The following VEZT variants were observed in gnomAD, a reference collection of about 807,000 sequenced individuals.
VEZT encodes vezatin.
Under a neutral mutation model 79.9 loss-of-function variants are expected in VEZT, and 39 were observed. That is an observed-to-expected ratio of 0.49 (90% CI 0.38 to 0.64). The LOEUF (loss-of-function observed/expected upper bound fraction) is 0.64, where lower values mean the gene tolerates loss of function less well. Ranked by LOEUF, VEZT falls within the 30% of genes least tolerant of loss-of-function variation. The probability of loss-of-function intolerance (pLI) is 0.00; values close to 1 mark genes in which losing one functional copy is unlikely to be tolerated. For synonymous variants in VEZT, 325 were observed against 327.6 expected (o/e 0.99, Z 0.09); for missense variants, 837 against 893.1 (o/e 0.94, Z 0.80).
At chr12:95,217,960 C>T (rs2056933493) in intron 1 of VEZT, 74 bp downstream of exon 1, 1 of 1,407,578 alleles carries the variant, frequency 7.1e-7, no homozygotes, top group Non-Finnish European at 9.4e-7. Flanking sequence ...GGAAGCAAGG[C>T]GTTCCCGGGG....
intron 1 of VEZT, among the ~76,000 whole-genome samples, chr12:95,248,248 A>G (rs2061981857): frequency 6.6e-6 from 1 of 152,216 alleles, no homozygotes; most frequent in Non-Finnish European, 1.5e-5. Flanking sequence ...ATTTGCAGAA[A>G]AAGCAGAATA....
At chr12:95,299,058 T>C (rs1191664203) in intron 11 of VEZT, 2 of 154,830 alleles carry the variant, frequency 1.3e-5, no homozygotes, top group African/African-American at 4.8e-5. Flanking sequence ...AAAATTTCAG[T>C]ACATCTTCCA....
At chr12:95,275,687 T>A (rs1300740958) in intron 7 of VEZT, 1 of 151,950 alleles carries the variant, frequency 6.6e-6, no homozygotes, top group Admixed American at 6.6e-5. Flanking sequence ...TTTTTTTTTT[T>A]ATGCAGAGCA....
At chr12:95,252,651 C>T (rs958470065) in intron 2 of VEZT, among the ~76,000 whole-genome samples, 4 of 152,146 alleles carry the variant, frequency 2.6e-5, no homozygotes, top group Non-Finnish European at 5.9e-5. Context: ...TTATGTCCTG[C>T]TAGCCATGTT....
chr12:95,285,723 A>T (rs552338535), intron 8 of VEZT, among the ~76,000 whole-genome samples: 1 of 152,174 alleles, frequency 6.6e-6, no homozygotes, highest in Non-Finnish European at 1.5e-5. Context: ...ATTCCTTATT[A>T]TCTGTAAAAT....
At chr12:95,257,913 T>A (rs1234180802) in intron 3 of VEZT, among the ~76,000 whole-genome samples, 1 of 152,212 alleles carries the variant, frequency 6.6e-6, no homozygotes, top group Non-Finnish European at 1.5e-5. Context: ...AACAACACTA[T>A]AAGATTTAGT....
At chr12:95,294,501 A>C (rs2073717160) in intron 10 of VEZT, 129 bp downstream of exon 10, 2 of 756,396 alleles carry the variant, frequency 2.6e-6, no homozygotes, top group Non-Finnish European at 2.1e-6. Context: ...AATTCATTGA[A>C]TCTGCCTGCA....
At chr12:95,259,959 A>G (rs116372759) in intron 3 of VEZT, among the ~76,000 whole-genome samples, 1,948 of 152,294 alleles carry the variant, frequency 0.013, 46 homozygotes, top group African/African-American at 0.044. Context: ...CCGTTATAAT[A>G]ATCAGTATAT....
chr12:95,277,801 CA>C (rs1473312275), intron 7 of VEZT, among the ~76,000 whole-genome samples: 1 of 152,178 alleles, frequency 6.6e-6, no homozygotes, highest in Non-Finnish European at 1.5e-5. Context: ...CAGGGCTTGA[CA>C]TATAATGGGT....
intron 10 of VEZT, among the ~76,000 whole-genome samples, chr12:95,294,992 C>A (rs1356538440): frequency 6.6e-6 from 1 of 152,144 alleles, no homozygotes; most frequent in Admixed American, 6.5e-5. Flanking sequence ...CTAGGGTAAA[C>A]AGCCAAATCA....
chr12:95,264,431 CA>C (rs1394749012), intron 4 of VEZT, among the ~76,000 whole-genome samples: 3 of 152,056 alleles, frequency 2.0e-5, no homozygotes, highest in African/African-American at 7.2e-5. Flanking sequence ...GAAATTAGGG[CA>C]AATATTTATT....
At chr12:95,226,767 G>A (rs2058552364) in intron 1 of VEZT, among the ~76,000 whole-genome samples, 1 of 152,166 alleles carries the variant, frequency 6.6e-6, no homozygotes, top group South Asian at 2.1e-4. Context: ...AGAGTGAAGT[G>A]CCCAGGCCCA....
intron 2 of VEZT, 200 bp downstream of exon 2, chr12:95,252,271 G>A (rs2062727301): frequency 6.8e-6 from 3 of 439,786 alleles, no homozygotes; most frequent in African/African-American, 6.1e-5. Context: ...TATCCAGTGA[G>A]GAAATAATTT....
intron 7 of VEZT, among the ~76,000 whole-genome samples, chr12:95,279,572 G>C (rs1316504088): frequency 6.6e-6 from 1 of 152,204 alleles, no homozygotes; most frequent in Non-Finnish European, 1.5e-5. Flanking sequence ...TGGTTTAAGT[G>C]GGTAATGTGA....
intron 10 of VEZT, among the ~76,000 whole-genome samples, chr12:95,295,494 C>T (rs557594198): frequency 1.7e-4 from 26 of 152,192 alleles, no homozygotes; most frequent in African/African-American, 6.3e-4. Flanking sequence ...CTTCTAAGTC[C>T]GATCTGATGC....
intron 7 of VEZT, among the ~76,000 whole-genome samples, chr12:95,275,328 C>G (rs2067432509): frequency 6.6e-6 from 1 of 152,128 alleles, no homozygotes; most frequent in Non-Finnish European, 1.5e-5. Context: ...CCGGGTGGCT[C>G]ACGCCTGTAA....
intron 9 of VEZT, among the ~76,000 whole-genome samples, chr12:95,289,627 A>G (rs2072177398): frequency 6.6e-6 from 1 of 152,140 alleles, no homozygotes; most frequent in Non-Finnish European, 1.5e-5. Context: ...GATAATAATG[A>G]TATGGATTAA....
intron 1 of VEZT, among the ~76,000 whole-genome samples, chr12:95,241,124 C>T (rs775533249): frequency 2.8e-4 from 43 of 152,172 alleles, no homozygotes; most frequent in African/African-American, 9.2e-4. Context: ...CTCCGCCTCC[C>T]GGGTTCAAGT....
chr12:95,297,704 A>T (rs1474146208), intron 11 of VEZT, among the ~76,000 whole-genome samples: 2 of 152,152 alleles, frequency 1.3e-5, no homozygotes, highest in African/African-American at 4.8e-5. Flanking sequence ...CCTGTTTTCA[A>T]GTCTCTTCAT....
Sources: gnomAD v4.1 joint callset for allele counts (sites outside exome capture counted in the v4.1 genomes callset) on GRCh38, gnomAD v4.1.1 for gene constraint, MANE v1.5 for transcripts, NCBI Gene and HGNC (gene_info 2026-07-23, HGNC 2026-07-21) for gene names.